Variants in TOX observed in about 807,000 individuals in gnomAD.
TOX encodes the protein thymocyte selection associated high mobility group box.
Under a neutral mutation model 53.7 loss-of-function variants are expected in TOX, and 11 were observed. The observed-to-expected ratio is 0.20, with a 90% CI of 0.13 to 0.34. The LOEUF (loss-of-function observed/expected upper bound fraction) is 0.34, where lower values mean the gene tolerates loss of function less well. Among genes scored for constraint, TOX ranks in the 10% least tolerant of loss-of-function variants. TOX has a pLI of 1.00. For synonymous variants in TOX, 225 were observed against 245.3 expected, an observed-to-expected ratio of 0.92 and a Z score of 0.77; for missense variants, 570 against 664.6, an observed-to-expected ratio of 0.86 and a Z score of 1.56.
intron 1 of TOX, among the ~76,000 whole-genome samples, chr8:59,086,126 C>T (rs908643036): frequency 3.3e-5 from 5 of 151,840 alleles, no homozygotes; most frequent in African/African-American, 4.8e-5. Context: ...GCTGGGACTA[C>T]GGGTGTGCGC....
rs367546486 is a variant in TOX, at chr8:59,118,963, G to C, written c.25C>G (p.Pro9Ala). The change falls in exon 1 of 9, where the codon CCA becomes GCA. Residue 9 changes from proline (P) to alanine (A), a missense_variant. This residue lies in a region of TOX where 282 missense variants were observed against 315.0 expected (regional missense o/e 0.90). Transcript: ENST00000361421. This position sits in a 1 kb window ranked among gnomAD's most constrained non-coding sequence, Gnocchi z 4.1. MDVRFYPP[P>A]AQPAAAPDAP... ...TCGGGCGCAGCGGCGGGCTGGGCTG[G>C]AGGTGGATAAAATCTTACGTCCATT... 15 of 1,604,636 alleles carry C rather than the reference G, an allele frequency of 9.3e-6. No homozygotes were observed. The highest frequency in any genetic ancestry group is 3.4e-5 in the Admixed American group (2 of 59,390).
At chr8:59,104,829 C>T (rs544797958) in intron 1 of TOX, among the ~76,000 whole-genome samples, 36 of 152,166 alleles carry the variant, frequency 2.4e-4, no homozygotes, top group Non-Finnish European at 4.6e-4. Flanking sequence ...CAGGAAGCAA[C>T]AGGGATTCCT....
At chr8:59,018,476 T>C (rs1814056138) in intron 1 of TOX, among the ~76,000 whole-genome samples, 1 of 152,156 alleles carries the variant, frequency 6.6e-6, no homozygotes, top group Non-Finnish European at 1.5e-5. Context: ...ACAGTATGGA[T>C]AGTATGTCAC....
At chr8:59,009,850 T>G (rs1056494133) in intron 1 of TOX, among the ~76,000 whole-genome samples, 16 of 152,194 alleles carry the variant, frequency 1.1e-4, no homozygotes, top group African/African-American at 3.6e-4. Context: ...TTAATCTCAT[T>G]TGCAGCATTG....
chr8:58,820,939 G>A (rs1411177382), intron 6 of TOX, among the ~76,000 whole-genome samples: 1 of 152,090 alleles, frequency 6.6e-6, no homozygotes, highest in African/African-American at 2.4e-5. Context: ...TCCATGTCTA[G>A]GAATTCCCGA....
chr8:58,885,679 A>T (rs1198926240), intron 3 of TOX, among the ~76,000 whole-genome samples: 1 of 152,186 alleles, frequency 6.6e-6, no homozygotes, highest in Non-Finnish European at 1.5e-5. Flanking sequence ...GACAAAGACC[A>T]CATAAGTCCA....
In TOX at chr8:59,113,237, G is replaced by C. The variant is rs148709599; in HGVS notation, c.102+5649C>G. ...AATCTAAACATAGCCTTCTCACTGAGGAAGGATGTTTAAGGGGCTTATCTC... is the reference window on the plus strand; with the variant it reads ...AATCTAAACATAGCCTTCTCACTGACGAAGGATGTTTAAGGGGCTTATCTC... On this transcript the variant is annotated intron_variant, in intron 1 of 8. Transcript: ENST00000361421. 2.6e-5 allele frequency among the ~76,000 whole-genome samples: 4 copies of C among 152,304 alleles called. No individual in the cohort carries two copies. The East Asian group carries it at 7.7e-4, about 29-fold the overall frequency.
chr8:59,071,544 A>T (rs554090073), intron 1 of TOX, among the ~76,000 whole-genome samples: 1 of 152,358 alleles, frequency 6.6e-6, no homozygotes, highest in Non-Finnish European at 1.5e-5. Flanking sequence ...TTCTAGAGAA[A>T]CAATTTCAGA....
At chr8:58,938,083 C>A (rs760336814) in intron 3 of TOX, among the ~76,000 whole-genome samples, 1 of 152,018 alleles carries the variant, frequency 6.6e-6, no homozygotes, top group Non-Finnish European at 1.5e-5. Context: ...CTCTTGGCTG[C>A]CCAGATGGCT....
intron 2 of TOX, among the ~76,000 whole-genome samples, chr8:58,942,223 T>C (rs998541596): frequency 7.9e-5 from 12 of 152,190 alleles, no homozygotes; most frequent in African/African-American, 2.4e-4. Flanking sequence ...CTCTAGGGTT[T>C]CTTCAGTAGT....
chr8:58,988,889 G>C (rs1813388026), intron 1 of TOX, among the ~76,000 whole-genome samples: 1 of 152,200 alleles, frequency 6.6e-6, no homozygotes, highest in Non-Finnish European at 1.5e-5. Flanking sequence ...TGGAGAAAGA[G>C]GCAGAGGGCA....
Position 59,119,068 on chromosome 8 carries a change from G to C in TOX, c.-81C>G. On this transcript the variant is annotated 5_prime_UTR_variant, in exon 1 of 9. Transcript: ENST00000361421. ...CAGCAAAACAAGCTTAGACGGAACA[G>C]AGTGAGGTGTCTGGGCTCAGGAGTA... 1 of 911,792 alleles carries C rather than the reference G, an allele frequency of 1.1e-6. No homozygotes were observed. Among genetic ancestry groups the C allele is most frequent in the South Asian group, 1.4e-5 (1 of 69,884 alleles). The allele number at this position is 911,792 out of a possible 1,614,324, so 56.5% of individuals were successfully genotyped here.
At chr8:58,856,744 C>G (rs1389203544) in intron 3 of TOX, among the ~76,000 whole-genome samples, 1 of 149,228 alleles carries the variant, frequency 6.7e-6, no homozygotes, top group East Asian at 1.9e-4. Context: ...GCTCACCTTC[C>G]TTTGTTTTTT....
chr8:59,101,794 A>G (rs1804810972), intron 1 of TOX, among the ~76,000 whole-genome samples: 1 of 152,206 alleles, frequency 6.6e-6, no homozygotes, highest in Admixed American at 6.5e-5. Flanking sequence ...AAAACAAACA[A>G]ACAAAACCTT....
chr8:58,899,490 C>A (rs60587465), intron 3 of TOX, among the ~76,000 whole-genome samples: 166 of 152,276 alleles, frequency 1.1e-3, no homozygotes, highest in African/African-American at 3.7e-3. Context: ...AACTTCTCCA[C>A]CTTGAAATGA....
At chr8:58,849,813 A>G (rs936794113) in intron 4 of TOX, among the ~76,000 whole-genome samples, 1 of 152,216 alleles carries the variant, frequency 6.6e-6, no homozygotes, top group Non-Finnish European at 1.5e-5. Flanking sequence ...AATATAGTAC[A>G]TATCATCTGT....
At chr8:59,028,577 A>G (rs1324739110) in intron 1 of TOX, among the ~76,000 whole-genome samples, 1 of 152,194 alleles carries the variant, frequency 6.6e-6, no homozygotes, top group East Asian at 1.9e-4. Context: ...ATACATACAT[A>G]CATACATACA....
intron 1 of TOX, among the ~76,000 whole-genome samples, chr8:58,996,637 T>C (rs901686792): frequency 6.6e-6 from 1 of 152,254 alleles, no homozygotes; most frequent in Non-Finnish European, 1.5e-5. Context: ...TTTGGTACTT[T>C]TTGTACTAAA....
intron 3 of TOX, among the ~76,000 whole-genome samples, chr8:58,873,958 C>CTGTTTTTTTT: frequency 2.5e-5 from 1 of 40,128 alleles, no homozygotes; most frequent in Non-Finnish European, 3.9e-5. Flanking sequence ...TGCCAGGAAG[C>CTGTTTTTTTT]TTTTTTTTTT....
Sources: allele counts gnomAD v4.1 joint callset (sites outside exome capture counted in the v4.1 genomes callset), GRCh38; gene constraint gnomAD v4.1.1; regional missense constraint gnomAD v4.1.1; non-coding constraint Gnocchi (gnomAD v3.1); transcripts MANE v1.5; gene names NCBI Gene and HGNC (gene_info 2026-07-23, HGNC 2026-07-21).